Variants in MEGF11 observed in about 807,000 individuals in gnomAD.
The protein encoded by MEGF11 is multiple EGF like domains 11.
MEGF11 carries 126 observed loss-of-function variants against 146.6 expected under a neutral mutation model. The ratio of observed to expected loss-of-function variants is 0.86; its 90% CI spans 0.74 to 1.00. MEGF11 has a LOEUF of 1.00. Among genes scored for constraint, MEGF11 ranks in the 50% least tolerant of loss-of-function variants. The pLI, the probability that MEGF11 is intolerant of heterozygous loss-of-function variation, is 0.00. For missense variants in MEGF11, 1,509 were observed against 1,521.2 expected, an observed-to-expected ratio of 0.99 and a Z score of 0.13; for synonymous variants, 532 against 583.4, an observed-to-expected ratio of 0.91 and a Z score of 1.27.
intron 24 of MEGF11, among the ~76,000 whole-genome samples, chr15:65,900,622 C>T (rs547954560): frequency 6.6e-6 from 1 of 152,260 alleles, no homozygotes; most frequent in South Asian, 2.1e-4. Context: ...TTCTCTCTCT[C>T]CTTCTCCTCT....
chr15:65,910,831 A>G lies in MEGF11; in HGVS notation c.2830-1025T>C, dbSNP rs536180765. On this transcript the variant is annotated intron_variant, in intron 21 of 25. Transcript: ENST00000395614. ...AAGCCATGCTTTTGTCCCTGAATGG[A>G]TATTATGGGAAGCTAGGAGTCCTGA... is the stretch of plus-strand genomic sequence containing the variant. 4.6e-5 allele frequency among the ~76,000 whole-genome samples: 7 copies of G among 152,188 alleles called. No homozygotes were observed. In the South Asian group the frequency reaches 1.5e-3, roughly 32 times the overall value.
intron 1 of MEGF11, among the ~76,000 whole-genome samples, chr15:66,135,038 T>C (rs1314105223): frequency 6.6e-6 from 1 of 152,198 alleles, no homozygotes; most frequent in Non-Finnish European, 1.5e-5. Flanking sequence ...ATTTACCTGC[T>C]CCAGGGCTGA....
At chr15:65,901,480 G>A (rs755091239) in intron 24 of MEGF11, among the ~76,000 whole-genome samples, 1 of 151,862 alleles carries the variant, frequency 6.6e-6, no homozygotes, top group Admixed American at 6.6e-5. Context: ...AAATTTGCTA[G>A]TATAATTCCT....
intron 10 of MEGF11, among the ~76,000 whole-genome samples, chr15:65,954,218 C>A (rs914671049): frequency 6.6e-6 from 1 of 152,138 alleles, no homozygotes; most frequent in African/African-American, 2.4e-5. Flanking sequence ...TAAAATCATT[C>A]AAGGATAAAG....
At chr15:66,038,899 C>G (rs1056428155) in intron 5 of MEGF11, among the ~76,000 whole-genome samples, 2 of 152,142 alleles carry the variant, frequency 1.3e-5, no homozygotes, top group African/African-American at 4.8e-5. Flanking sequence ...CCAGGGAAGG[C>G]TTAGTTTAAC....
At chr15:66,106,258 C>A (rs1309073879) in intron 4 of MEGF11, among the ~76,000 whole-genome samples, 6 of 152,178 alleles carry the variant, frequency 3.9e-5, no homozygotes, top group Admixed American at 3.3e-4. Context: ...AACATGCCAG[C>A]GTGCAGTTAT....
chr15:66,123,045 A>C (rs955433439), intron 3 of MEGF11, among the ~76,000 whole-genome samples: 1 of 152,152 alleles, frequency 6.6e-6, no homozygotes, highest in Non-Finnish European at 1.5e-5. Context: ...GGCCTCCCAA[A>C]GTGCTGGGAT....
chr15:66,212,411 C>A (rs1470454669), intron 1 of MEGF11, among the ~76,000 whole-genome samples: 1 of 152,174 alleles, frequency 6.6e-6, no homozygotes, highest in Admixed American at 6.5e-5. Flanking sequence ...CGTGGGGGGA[C>A]TGGCTGCAAA....
At chr15:65,910,722 G>A (rs781232937) in intron 21 of MEGF11, among the ~76,000 whole-genome samples, 1 of 152,190 alleles carries the variant, frequency 6.6e-6, no homozygotes, top group Admixed American at 6.5e-5. Context: ...GCTGGACCAG[G>A]TCTGTAGGCT....
rs139053141 is a variant in MEGF11, at chr15:66,037,386, C to T, written c.395-54898G>A. Reference sequence around the variant, plus strand: ...TGTCAGTTTTCGTATCTGAGCTCTACTGCTTTCTTAGTGGATGGCTTCAGG... The same window carrying T: ...TGTCAGTTTTCGTATCTGAGCTCTATTGCTTTCTTAGTGGATGGCTTCAGG... On this transcript the variant is annotated intron_variant, in intron 5 of 25. Coordinates refer to ENST00000395614, the MANE Select transcript of MEGF11 (RefSeq NM_001385028.1). Among the ~76,000 whole-genome samples the T allele has an allele frequency of 2.2e-4, 34 of 152,364 alleles. No individual in the cohort carries two copies. In the East Asian group the frequency reaches 6.4e-3, roughly 28 times the overall value.
chr15:66,226,205 G>A (rs1232425895), intron 1 of MEGF11, among the ~76,000 whole-genome samples: 5 of 151,920 alleles, frequency 3.3e-5, no homozygotes, highest in African/African-American at 4.8e-5. Flanking sequence ...CTATCAGATC[G>A]ACTGTCGGTG....
intron 5 of MEGF11, among the ~76,000 whole-genome samples, chr15:66,084,572 AG>A (rs1453571404): frequency 6.6e-6 from 1 of 152,192 alleles, no homozygotes; most frequent in Non-Finnish European, 1.5e-5. Context: ...TTGTGGGAGA[AG>A]TTTCTGACTT....
intron 10 of MEGF11, among the ~76,000 whole-genome samples, chr15:65,952,252 G>C (rs1311061796): frequency 6.6e-6 from 1 of 152,110 alleles, no homozygotes; most frequent in Non-Finnish European, 1.5e-5. Context: ...GCAGGACTTA[G>C]TGGGAGATGA....
At chr15:66,126,425 G>A (rs1434683116) in intron 2 of MEGF11, among the ~76,000 whole-genome samples, 1 of 152,228 alleles carries the variant, frequency 6.6e-6, no homozygotes, top group Non-Finnish European at 1.5e-5. Flanking sequence ...AACCCTGGCT[G>A]ATAGCCTAAG....
intron 10 of MEGF11, among the ~76,000 whole-genome samples, chr15:65,932,272 G>A (rs1280905111): frequency 6.6e-6 from 1 of 152,158 alleles, no homozygotes; most frequent in African/African-American, 2.4e-5. Context: ...GATGGGGGAA[G>A]GGGCCATGAC....
At chr15:66,037,698 C>T (rs2083779127) in intron 5 of MEGF11, among the ~76,000 whole-genome samples, 1 of 152,244 alleles carries the variant, frequency 6.6e-6, no homozygotes, top group Admixed American at 6.5e-5. Context: ...ACCATCCTGG[C>T]AGCCCTCGGC....
Position 65,970,207 on chromosome 15 carries a change from TATGA to T in MEGF11, c.899+342_899+345del, listed in dbSNP as rs144215048. On this transcript the variant is annotated intron_variant, in intron 8 of 25. Transcript: ENST00000395614. ...CTTCCAGAAGAAATCGTGCAAAACATATGAATGAAGTGATTTTGTACTCTCAGCT... is the reference window on the plus strand; with the variant it reads ...CTTCCAGAAGAAATCGTGCAAAACATATGAAGTGATTTTGTACTCTCAGCT... 5.4e-3 allele frequency among the ~76,000 whole-genome samples: 658 copies of T among 122,740 alleles called. 3 individuals are homozygous for T. The highest frequency in any genetic ancestry group is 0.016 in the African/African-American group (620 of 39,342). The allele number at this position is 122,740 out of a possible 152,430, so 80.5% of individuals were successfully genotyped here. A position where few individuals can be genotyped will look rare whatever the true frequency, so the allele number is the denominator to read the frequency against.
At chr15:66,236,123 T>C (rs7173360) in intron 1 of MEGF11, among the ~76,000 whole-genome samples, 151,626 of 152,278 alleles carry the variant, frequency 1, 75,491 homozygotes, top group Middle Eastern at 1. Context: ...GTCAGCCACA[T>C]AAGGAAGGTA....
chr15:66,107,054 A>C (rs1276372866), intron 4 of MEGF11, among the ~76,000 whole-genome samples: 260 of 132,366 alleles, frequency 2.0e-3, no homozygotes, highest in Middle Eastern at 4.0e-3. Flanking sequence ...TTATATTCCT[A>C]CCCCCCCACC....
Sources: allele counts gnomAD v4.1 joint callset (sites outside exome capture counted in the v4.1 genomes callset), GRCh38; gene constraint gnomAD v4.1.1; transcripts MANE v1.5; gene names NCBI Gene and HGNC (gene_info 2026-07-23, HGNC 2026-07-21).